The following CACNA2D3 variants were observed in gnomAD, a reference collection of about 807,000 sequenced individuals.
CACNA2D3 encodes voltage-dependent calcium channel subunit alpha-2/delta-3.
In CACNA2D3, 60 loss-of-function variants were observed where a neutral mutation model predicts 160.6. That is an observed-to-expected ratio of 0.37 (90% CI 0.30 to 0.46). CACNA2D3 has a LOEUF of 0.46. Ranked by LOEUF, CACNA2D3 falls within the 20% of genes least tolerant of loss-of-function variation. CACNA2D3 has a pLI of 1.00. For missense variants in CACNA2D3, 1,205 were observed against 1,365.0 expected (o/e 0.88, Z 1.85); for synonymous variants, 558 against 492.9 (o/e 1.13, Z -1.75).
At chr3:54,605,891 T>C (rs1386214697) in intron 9 of CACNA2D3, among the ~76,000 whole-genome samples, 5 of 152,222 alleles carry the variant, frequency 3.3e-5, no homozygotes, top group East Asian at 1.9e-4. Flanking sequence ...TTTGATGATA[T>C]TTGCTCCAGC....
At chr3:55,024,028 C>T (rs992938853) in intron 35 of CACNA2D3, among the ~76,000 whole-genome samples, 2 of 124,698 alleles carry the variant, frequency 1.6e-5, no homozygotes, top group African/African-American at 6.3e-5. Context: ...GGATGGCTTC[C>T]ACATTTGCCC....
chr3:54,669,180 G>A (rs74527130), intron 11 of CACNA2D3, among the ~76,000 whole-genome samples: 5,443 of 152,228 alleles, frequency 0.036, 106 homozygotes, highest in East Asian at 0.041. Context: ...AGGGCCCCAT[G>A]CTTGGCTTAA....
At chr3:54,129,995 C>T (rs1194421099) in intron 2 of CACNA2D3, among the ~76,000 whole-genome samples, 1 of 152,210 alleles carries the variant, frequency 6.6e-6, no homozygotes, top group Non-Finnish European at 1.5e-5. Flanking sequence ...GCCAGTCCAA[C>T]AGGCATGGAT....
chr3:54,951,468 G>A (rs967508019), intron 27 of CACNA2D3, among the ~76,000 whole-genome samples: 1 of 152,242 alleles, frequency 6.6e-6, no homozygotes, highest in Non-Finnish European at 1.5e-5. Flanking sequence ...CGGCCCGGGG[G>A]CAGTGGGGTG....
intron 5 of CACNA2D3, among the ~76,000 whole-genome samples, chr3:54,551,500 A>G (rs2106685919): frequency 6.6e-6 from 1 of 152,340 alleles, no homozygotes; most frequent in Admixed American, 6.5e-5. Context: ...TAAAGGGAAC[A>G]ATCAGACGAT....
intron 11 of CACNA2D3, among the ~76,000 whole-genome samples, chr3:54,660,856 T>G: frequency 6.6e-6 from 1 of 152,178 alleles, no homozygotes; most frequent in Admixed American, 6.5e-5. Flanking sequence ...GTTCATTGTT[T>G]GCTCATTCCT....
rs182547198 is a variant in CACNA2D3 at position 55,074,027 on chromosome 3, C to T, written c.3184-87C>T. 321 of 1,222,044 alleles carry T rather than the reference C, an allele frequency of 2.6e-4. 1 individual carries two copies. The highest frequency in any genetic ancestry group is 3.6e-4 in the Non-Finnish European group (296 of 827,828). 75.7% of individuals were successfully genotyped at this position (1,222,044 alleles called of 1,614,324 possible). A position where few individuals can be genotyped will look rare whatever the true frequency, so the allele number is the denominator to read the frequency against. On this transcript the variant is annotated intron_variant, in intron 37 of 37. Transcript: ENST00000474759. Reference sequence around the variant, plus strand: ...TAGGTCCCAGAAGACTTCGTTCTTACGTTAGAGAGGGGGAGAGAGGTCTGG... The same window carrying T: ...TAGGTCCCAGAAGACTTCGTTCTTATGTTAGAGAGGGGGAGAGAGGTCTGG...
chr3:54,579,044 A>G (rs1352672952), intron 8 of CACNA2D3, among the ~76,000 whole-genome samples: 6 of 151,980 alleles, frequency 3.9e-5, no homozygotes, highest in Non-Finnish European at 8.8e-5. Flanking sequence ...AAGTGACCTG[A>G]CTCCCAGCTC....
At chr3:54,457,800 T>C (rs1700426644) in intron 4 of CACNA2D3, among the ~76,000 whole-genome samples, 1 of 152,118 alleles carries the variant, frequency 6.6e-6, no homozygotes, top group South Asian at 2.1e-4. Context: ...TTTTATATCC[T>C]CTCACTGAAT....
At chr3:54,569,506 G>A (rs1702460997) in intron 6 of CACNA2D3, among the ~76,000 whole-genome samples, 1 of 152,194 alleles carries the variant, frequency 6.6e-6, no homozygotes, top group Admixed American at 6.5e-5. Context: ...CCCTAGCCAA[G>A]GGAAGGAGCT....
chr3:54,479,004 C>T (rs1700889000), intron 4 of CACNA2D3, among the ~76,000 whole-genome samples: 1 of 151,830 alleles, frequency 6.6e-6, no homozygotes, highest in Non-Finnish European at 1.5e-5. Context: ...CCAGATCTCA[C>T]CTTGAATTGT....
At chr3:54,687,115 C>CTTTTTTTTTTTTTTTTTTTTTTTTTT (rs1338617031) in intron 11 of CACNA2D3, among the ~76,000 whole-genome samples, 1 of 40,884 alleles carries the variant, frequency 2.4e-5, no homozygotes. Context: ...TTTTCTTTTT[C>CTTTTTTTTTTTTTTTTTTTTTTTTTT]TTTTTCTTTT....
chr3:54,545,617 C>T (rs149938956), intron 5 of CACNA2D3, among the ~76,000 whole-genome samples: 95 of 152,232 alleles, frequency 6.2e-4, no homozygotes, highest in Non-Finnish European at 1.1e-3. Flanking sequence ...CTTTTATCTG[C>T]CATGCAGTTT....
intron 12 of CACNA2D3, among the ~76,000 whole-genome samples, chr3:54,764,011 T>C (rs1559574094): frequency 6.6e-6 from 1 of 151,170 alleles, no homozygotes; most frequent in Non-Finnish European, 1.5e-5. Flanking sequence ...TGCTTGACTG[T>C]ATTTTCTAAC....
At chr3:54,254,109 A>G (rs1312230286) in intron 2 of CACNA2D3, among the ~76,000 whole-genome samples, 5 of 152,092 alleles carry the variant, frequency 3.3e-5, no homozygotes, top group Admixed American at 2.6e-4. Context: ...TAGGTGTTGG[A>G]TGGGCTCAAA....
chr3:54,648,909 A>G (rs973882882), intron 11 of CACNA2D3, among the ~76,000 whole-genome samples: 1 of 152,146 alleles, frequency 6.6e-6, no homozygotes, highest in Non-Finnish European at 1.5e-5. Context: ...CTCAGTCATT[A>G]CCATGGGGCA....
intron 11 of CACNA2D3, among the ~76,000 whole-genome samples, chr3:54,663,932 C>T (rs1168956468): frequency 1.3e-5 from 2 of 152,234 alleles, no homozygotes; most frequent in African/African-American, 4.8e-5. Context: ...GGTTCATCTC[C>T]AGCATTCCTT....
At chr3:54,614,894 CATATA>C (rs1390913614) in intron 9 of CACNA2D3, among the ~76,000 whole-genome samples, 6 of 152,100 alleles carry the variant, frequency 3.9e-5, no homozygotes, top group Non-Finnish European at 7.4e-5. Flanking sequence ...CATTTGGAAA[CATATA>C]ATATATGTTA....
Position 54,884,239 on chromosome 3 carries a change from T to C in CACNA2D3, c.1913-1042T>C, listed in dbSNP as rs540030742. 5.9e-5 allele frequency among the ~76,000 whole-genome samples: 9 copies of C among 152,344 alleles called. No homozygotes were observed. In the South Asian group the frequency reaches 1.9e-3, roughly 32 times the overall value. Reference sequence around the variant, plus strand: ...TCTGGCACTTGTGAGCTATGCAGTATTACTTGTATCTCATGGTAGATATAA... The same window carrying C: ...TCTGGCACTTGTGAGCTATGCAGTACTACTTGTATCTCATGGTAGATATAA... On this transcript the variant is annotated intron_variant, in intron 21 of 37. Transcript: ENST00000474759.
Sources: gnomAD v4.1 joint callset for allele counts (sites outside exome capture counted in the v4.1 genomes callset) on GRCh38, gnomAD v4.1.1 for gene constraint, MANE v1.5 for transcripts, NCBI Gene and HGNC (gene_info 2026-07-23, HGNC 2026-07-21) for gene names.